The following MCPH1 variants were observed in gnomAD, a reference collection of about 807,000 sequenced individuals.
The protein encoded by MCPH1 is microcephalin.
A neutral mutation model predicts 84.5 loss-of-function variants in MCPH1; 104 were observed. The ratio of observed to expected loss-of-function variants is 1.23; its 90% CI spans 1.05 to 1.45. The LOEUF (loss-of-function observed/expected upper bound fraction) is 1.45, where lower values mean the gene tolerates loss of function less well. Ranked by LOEUF, MCPH1 falls within the 40% of genes most tolerant of loss-of-function variation. MCPH1 has a pLI of 0.00. For synonymous variants in MCPH1, 514 were observed against 366.8 expected (o/e 1.40, Z -4.58); for missense variants, 1,498 against 1,005.7 (o/e 1.49, Z -6.62).
chr8:6,518,251 C>A (rs905215079), intron 12 of MCPH1, among the ~76,000 whole-genome samples: 2 of 152,150 alleles, frequency 1.3e-5, no homozygotes, highest in African/African-American at 2.4e-5. Context: ...CACTCCTGTC[C>A]CCAGGCCAAG....
chr8:6,431,822 A>C (rs1205103227), intron 4 of MCPH1, among the ~76,000 whole-genome samples: 1 of 152,208 alleles, frequency 6.6e-6, no homozygotes, highest in Non-Finnish European at 1.5e-5. Context: ...CCATGGGAAG[A>C]CTAAAAGGTG....
intron 12 of MCPH1, chr8:6,503,311 C>T: frequency 1.9e-6 from 3 of 1,602,968 alleles, no homozygotes; most frequent in South Asian, 2.2e-5. Flanking sequence ...ATGCCAGCTC[C>T]CACCACGAAG....
chr8:6,575,891 C>G (rs540591361), intron 12 of MCPH1, among the ~76,000 whole-genome samples: 1 of 152,248 alleles, frequency 6.6e-6, no homozygotes, highest in South Asian at 2.1e-4. Context: ...AGGCCTGGGA[C>G]AGATCCTGCC....
chr8:6,581,091 G>C (rs1449570322), intron 12 of MCPH1, among the ~76,000 whole-genome samples: 1 of 152,170 alleles, frequency 6.6e-6, no homozygotes, highest in Non-Finnish European at 1.5e-5. Context: ...GATGTGCCTA[G>C]GTTATATGCA....
chr8:6,503,157 C>G lies in MCPH1; in HGVS notation c.2214+3228C>G, dbSNP rs574041878. On this transcript the variant is annotated intron_variant, in intron 12 of 13. Coordinates refer to ENST00000344683, the MANE Select transcript of MCPH1 (RefSeq NM_024596.5). ...GTGGCCTTGAGCGAATAGCCTGAGC[C>G]TTTCCAGTAGTACCATTTAATGCCG... 10 of 1,614,176 alleles carry G rather than the reference C, an allele frequency of 6.2e-6. No individual in the cohort carries two copies. In the Admixed American group the frequency reaches 8.3e-5, roughly 13 times the overall value.
At chr8:6,599,678 A>C (rs1041262893) in intron 12 of MCPH1, among the ~76,000 whole-genome samples, 1 of 152,248 alleles carries the variant, frequency 6.6e-6, no homozygotes. Context: ...TGTTGTTGGA[A>C]ATAGTCTCCT....
chr8:6,505,923 TA>T (rs1813592518), intron 12 of MCPH1, among the ~76,000 whole-genome samples: 1 of 89,672 alleles, frequency 1.1e-5, no homozygotes, highest in South Asian at 3.7e-4. Context: ...TATATGTATA[TA>T]TAAAAACATA....
intron 3 of MCPH1, among the ~76,000 whole-genome samples, chr8:6,430,320 T>A (rs1377971478): frequency 6.6e-6 from 1 of 152,240 alleles, no homozygotes; most frequent in South Asian, 2.1e-4. Flanking sequence ...TTCAGTGTAT[T>A]GGGGTGGCAC....
Position 6,609,793 on chromosome 8 carries a change from A to G in MCPH1, c.2215-11661A>G, listed in dbSNP as rs116507293. 4.1e-3 allele frequency among the ~76,000 whole-genome samples: 589 copies of G among 145,054 alleles called. 7 individuals are homozygous for G. The highest frequency in any genetic ancestry group is 0.014 in the African/African-American group (556 of 39,762). On this transcript the variant is annotated intron_variant, in intron 12 of 13. Transcript: ENST00000344683. ...ATCATAGATTTTATTTTTGCCGGGA[A>G]TCTCATTATCAAAGCAATGCCCCCC... is the stretch of plus-strand genomic sequence containing the variant.
chr8:6,526,207 T>C (rs1033809551), intron 12 of MCPH1, among the ~76,000 whole-genome samples: 9 of 145,092 alleles, frequency 6.2e-5, no homozygotes, highest in African/African-American at 2.3e-4. Context: ...AAGGCTTAAA[T>C]TCAGGAGTTT....
intron 9 of MCPH1, among the ~76,000 whole-genome samples, chr8:6,476,489 A>G (rs539841711): frequency 6.6e-6 from 1 of 152,112 alleles, no homozygotes; most frequent in Non-Finnish European, 1.5e-5. Flanking sequence ...TAAAAGCAGA[A>G]ATATAAAATT....
At chr8:6,508,836 G>A (rs781331587) in intron 12 of MCPH1, 64 of 1,532,846 alleles carry the variant, frequency 4.2e-5, no homozygotes, top group Middle Eastern at 1.7e-4. Flanking sequence ...TGTGGACATC[G>A]TTACAAATCA....
At chr8:6,580,574 C>A (rs1827484985) in intron 12 of MCPH1, among the ~76,000 whole-genome samples, 2 of 152,158 alleles carry the variant, frequency 1.3e-5, no homozygotes, top group South Asian at 4.1e-4. Context: ...ATTGCTTAAA[C>A]CGGGAGGCAG....
chr8:6,503,297 G>C (rs373487640), intron 12 of MCPH1: 337 of 1,611,702 alleles, frequency 2.1e-4, no homozygotes, highest in Non-Finnish European at 2.7e-4. Flanking sequence ...TTAGGAACTA[G>C]GTGATGCCAG....
intron 12 of MCPH1, chr8:6,508,830 G>A (rs778443260): frequency 8.6e-6 from 13 of 1,510,034 alleles, no homozygotes; most frequent in Non-Finnish European, 1.1e-5. Flanking sequence ...TGAAATTGTG[G>A]ACATCGTTAC....
chr8:6,436,019 G>C (rs757788497), intron 4 of MCPH1, 29 bp from the exon 5 acceptor site: 1 of 1,611,180 alleles, frequency 6.2e-7, no homozygotes, highest in East Asian at 2.2e-5. Flanking sequence ...TTGCAGTACA[G>C]CATTAATTTT....
intron 12 of MCPH1, among the ~76,000 whole-genome samples, chr8:6,570,417 G>A (rs940909190): frequency 6.6e-6 from 1 of 152,172 alleles, no homozygotes; most frequent in Non-Finnish European, 1.5e-5. Context: ...CGGACAGAAA[G>A]CTCTTTGCCA....
At chr8:6,587,040 A>G (rs527789705) in intron 12 of MCPH1, among the ~76,000 whole-genome samples, 382 of 150,792 alleles carry the variant, frequency 2.5e-3, no homozygotes, top group African/African-American at 9.0e-3. Flanking sequence ...GCTCAGCGCT[A>G]GGGACCTCTG....
At chr8:6,579,164 C>T (rs1827351354) in intron 12 of MCPH1, among the ~76,000 whole-genome samples, 1 of 152,238 alleles carries the variant, frequency 6.6e-6, no homozygotes. Context: ...TCCATCTTGG[C>T]ATCATCCACC....
Sources: allele counts gnomAD v4.1 joint callset (sites outside exome capture counted in the v4.1 genomes callset), GRCh38; gene constraint gnomAD v4.1.1; transcripts MANE v1.5; gene names NCBI Gene and HGNC (gene_info 2026-07-23, HGNC 2026-07-21).